SMPX: variants seen among roughly 807,000 people sequenced by gnomAD.
SMPX encodes the protein small muscular protein.
SMPX carries 2 observed loss-of-function variants against 6.3 expected under a neutral mutation model. That is an observed-to-expected ratio of 0.32 (90% CI 0.13 to 0.99). SMPX has a LOEUF of 0.99. Ranked by LOEUF, SMPX falls within the 50% of genes least tolerant of loss-of-function variation. The pLI is 0.49. For missense variants in SMPX, 60 were observed against 66.8 expected, an observed-to-expected ratio of 0.90 and a Z score of 0.36; for synonymous variants, 32 against 24.7, an observed-to-expected ratio of 1.30 and a Z score of -0.88.
intron 1 of SMPX, 88 bp from the exon 2 acceptor site, chrX:21,754,390 G>A: frequency 4.1e-6 from 3 of 733,085 alleles, no homozygotes; most frequent in Non-Finnish European, 6.5e-6. Flanking sequence ...GATTCAACTG[G>A]GCAGTCACCC....
intron 4 of SMPX, among the ~76,000 whole-genome samples, chrX:21,711,327 C>T (rs928492573): frequency 1.8e-5 from 2 of 111,930 alleles, no homozygotes; most frequent in East Asian, 2.8e-4. Flanking sequence ...GTGTATTGGG[C>T]TGTCTCCAGG....
At chrX:21,748,118 G>A (rs1423124583) in intron 2 of SMPX, among the ~76,000 whole-genome samples, 2 of 111,640 alleles carry the variant, frequency 1.8e-5, no homozygotes, top group Middle Eastern at 4.6e-3. Flanking sequence ...ATATATTAAC[G>A]TAAAATGAGA....
chrX:21,724,892 C>A (rs762869535), intron 4 of SMPX, among the ~76,000 whole-genome samples: 1 of 111,938 alleles, frequency 8.9e-6, no homozygotes, highest in African/African-American at 3.3e-5. Context: ...GGAAGGATTT[C>A]GGAATTCTTA....
At chrX:21,733,836 C>T in intron 4 of SMPX, 1 of 306,546 alleles carries the variant, frequency 3.3e-6, no homozygotes, top group Non-Finnish European at 6.2e-6. Context: ...GACGTAGTGC[C>T]TAGAGGATCT....
intron 4 of SMPX, among the ~76,000 whole-genome samples, chrX:21,730,922 T>C (rs1026788898): frequency 3.6e-5 from 4 of 112,101 alleles, no homozygotes; most frequent in Admixed American, 1.9e-4. Flanking sequence ...AGGGCATGTT[T>C]CCCAAATATG....
intron 4 of SMPX, among the ~76,000 whole-genome samples, chrX:21,713,967 T>C (rs765060939): frequency 8.9e-6 from 1 of 112,469 alleles, no homozygotes; most frequent in Non-Finnish European, 1.9e-5. Context: ...TGCACAAATC[T>C]TAAGTGAACT....
intron 4 of SMPX, among the ~76,000 whole-genome samples, chrX:21,719,028 AGT>A (rs1472522941): frequency 8.9e-6 from 1 of 111,946 alleles, no homozygotes; most frequent in South Asian, 3.8e-4. Flanking sequence ...TGTTGGCCTG[AGT>A]GTGTGTGTGT....
In SMPX at chrX:21,731,578, A is replaced by ATATATACACATTATGTGTG. The variant is rs2092804397; in HGVS notation, c.*14+5970_*14+5971insCACACATAATGTGTATATA. Among the ~76,000 whole-genome samples the ATATATACACATTATGTGTG allele has an allele frequency of 3.0e-4, 28 of 91,903 alleles. 2 individuals are homozygous for ATATATACACATTATGTGTG. Among genetic ancestry groups the ATATATACACATTATGTGTG allele is most frequent in the East Asian group, 1.1e-3 (3 of 2,618 alleles). 79.8% of individuals were successfully genotyped at this position (91,903 alleles called of 115,157 possible). A position where few individuals can be genotyped will look rare whatever the true frequency, so the allele number is the denominator to read the frequency against. On this transcript the variant is annotated intron_variant, in intron 4 of 4. Transcript: ENST00000379494. ...ATATACACATTATGTGTATATGTGTATATGTGTATATGTACACATTAATGT... is the reference window on the plus strand; with the variant it reads ...ATATACACATTATGTGTATATGTGTATATATACACATTATGTGTGTATGTGTATATGTACACATTAATGT...
chrX:21,713,661 T>TCCTCCA (rs2092781175), intron 4 of SMPX, among the ~76,000 whole-genome samples: 1 of 111,812 alleles, frequency 8.9e-6, no homozygotes, highest in South Asian at 3.8e-4. Context: ...CCCCCATGAT[T>TCCTCCA]CGATTATCTC....
At chrX:21,720,858 A>C (rs1202371370) in intron 4 of SMPX, among the ~76,000 whole-genome samples, 14 of 112,490 alleles carry the variant, frequency 1.2e-4, no homozygotes, top group Non-Finnish European at 3.7e-5. Flanking sequence ...ATGTCATACC[A>C]CAAACATAAC....
intron 4 of SMPX, among the ~76,000 whole-genome samples, chrX:21,721,279 G>C (rs1265858484): frequency 9.0e-6 from 1 of 111,542 alleles, no homozygotes; most frequent in Non-Finnish European, 1.9e-5. Context: ...AGCCCCTTCT[G>C]GGCCTAATAT....
At chrX:21,722,152 C>G (rs2092792363) in intron 4 of SMPX, among the ~76,000 whole-genome samples, 2 of 110,822 alleles carry the variant, frequency 1.8e-5, no homozygotes, top group Non-Finnish European at 3.8e-5. Flanking sequence ...CAGAGTGAGG[C>G]CCTGTCTCTA....
At chrX:21,729,801 T>C (rs919970718) in intron 4 of SMPX, among the ~76,000 whole-genome samples, 2 of 111,964 alleles carry the variant, frequency 1.8e-5, no homozygotes, top group African/African-American at 6.5e-5. Context: ...TCTGTTTTAA[T>C]AGAAACTACA....
rs1293247705 is a variant in SMPX at position 21,728,710 on chromosome X, T to A, written c.*14+8839A>T. ...ATAGTGATTAAAAGGACTGGCTGTT[T>A]AGTGTGACAGATGATGGTTTGCACC... On this transcript the variant is annotated intron_variant, in intron 4 of 4. Coordinates refer to ENST00000379494, the MANE Select transcript of SMPX (RefSeq NM_014332.3). 8.9e-5 allele frequency among the ~76,000 whole-genome samples: 10 copies of A among 112,646 alleles called. No homozygotes were observed. In the East Asian group the frequency reaches 2.8e-3, roughly 31 times the overall value.
At chrX:21,719,018 T>C (rs1168529883) in intron 4 of SMPX, among the ~76,000 whole-genome samples, 1 of 112,478 alleles carries the variant, frequency 8.9e-6, no homozygotes, top group Non-Finnish European at 1.9e-5. Context: ...CGTGTGTGTA[T>C]GTTGGCCTGA....
chrX:21,726,628 C>T (rs2092797253), intron 4 of SMPX, among the ~76,000 whole-genome samples: 1 of 111,995 alleles, frequency 8.9e-6, no homozygotes, highest in African/African-American at 3.3e-5. Flanking sequence ...GGGAACTGTC[C>T]TGTGTGTTGT....
At chrX:21,722,458 C>T (rs936986490) in intron 4 of SMPX, among the ~76,000 whole-genome samples, 1 of 111,968 alleles carries the variant, frequency 8.9e-6, no homozygotes, top group Non-Finnish European at 1.9e-5. Context: ...TTACTTCTTA[C>T]AACTGCATGT....
At chrX:21,710,620 A>G (rs1271703311) in intron 4 of SMPX, among the ~76,000 whole-genome samples, 1 of 112,037 alleles carries the variant, frequency 8.9e-6, no homozygotes, top group Non-Finnish European at 1.9e-5. Flanking sequence ...CCACTGTGAG[A>G]TGACCATATT....
chrX:21,733,644 C>T (rs2092807371), intron 4 of SMPX: 1 of 315,619 alleles, frequency 3.2e-6, no homozygotes, highest in Non-Finnish European at 6.1e-6. Context: ...TAGAATTATT[C>T]TTAGGTTTTA....
Sources: gnomAD v4.1 joint callset for allele counts (sites outside exome capture counted in the v4.1 genomes callset) on GRCh38, gnomAD v4.1.1 for gene constraint, MANE v1.5 for transcripts, NCBI Gene and HGNC (gene_info 2026-07-23, HGNC 2026-07-21) for gene names.